THSD7A: variants seen among roughly 807,000 people sequenced by gnomAD.
The protein encoded by THSD7A is thrombospondin type 1 domain containing 7A.
Under a neutral mutation model 231.3 loss-of-function variants are expected in THSD7A, and 96 were observed. The observed-to-expected ratio is 0.41, with a 90% CI of 0.35 to 0.49. THSD7A has a LOEUF of 0.49. Among genes scored for constraint, THSD7A ranks in the 20% least tolerant of loss-of-function variants. The probability of loss-of-function intolerance (pLI) is 0.05; values close to 1 mark genes in which losing one functional copy is unlikely to be tolerated. For missense variants in THSD7A, 2,290 were observed against 2,070.2 expected (o/e 1.11, Z -2.06); for synonymous variants, 940 against 743.3 (o/e 1.26, Z -4.30).
intron 7 of THSD7A, among the ~76,000 whole-genome samples, chr7:11,476,626 G>A (rs1032871109): frequency 6.6e-6 from 1 of 151,932 alleles, no homozygotes; most frequent in Non-Finnish European, 1.5e-5. Flanking sequence ...GGACCACCCT[G>A]GGCAGCACGG....
At chr7:11,748,301 C>A (rs567728956) in intron 1 of THSD7A, among the ~76,000 whole-genome samples, 1 of 151,828 alleles carries the variant, frequency 6.6e-6, no homozygotes, top group Non-Finnish European at 1.5e-5. Context: ...GCTTGGGTAA[C>A]AGGAGAGTGA....
At chr7:11,685,792 T>C (rs1484637262) in intron 1 of THSD7A, among the ~76,000 whole-genome samples, 1 of 151,944 alleles carries the variant, frequency 6.6e-6, no homozygotes, top group African/African-American at 2.4e-5. Context: ...AATTAGCCCC[T>C]GTGCAAAGCA....
chr7:11,495,501 C>T (rs1034549249), intron 6 of THSD7A, among the ~76,000 whole-genome samples: 5 of 152,114 alleles, frequency 3.3e-5, no homozygotes, highest in African/African-American at 7.2e-5. Context: ...ACCTTTACCT[C>T]CCAATTCTGT....
intron 1 of THSD7A, among the ~76,000 whole-genome samples, chr7:11,828,410 A>G (rs1281186922): frequency 6.6e-6 from 1 of 152,092 alleles, no homozygotes; most frequent in Non-Finnish European, 1.5e-5. Flanking sequence ...CTCATCCTTC[A>G]AGACCCAGAT....
rs6958188 is a variant in THSD7A at position 11,411,049 on chromosome 7, G to A, written c.3798+158C>T. On this transcript the variant is annotated intron_variant, in intron 19 of 27. Coordinates refer to ENST00000423059, the MANE Select transcript of THSD7A (RefSeq NM_015204.3). This position sits in a 1 kb window ranked among gnomAD's most constrained non-coding sequence, Gnocchi z 4.1. ...TTATATGTAGGAATCAGTAGTGTTG[G>A]ACATTGTGTCTTTTCAAGAACATAC... is the stretch of plus-strand genomic sequence containing the variant. Among the ~76,000 whole-genome samples, 5,316 of 151,986 alleles carry A rather than the reference G, an allele frequency of 0.035. 323 individuals carry two copies. The highest frequency in any genetic ancestry group is 0.12 in the African/African-American group (5,021 of 41,392).
chr7:11,403,903 T>G (rs1783495286), intron 22 of THSD7A, among the ~76,000 whole-genome samples: 1 of 152,198 alleles, frequency 6.6e-6, no homozygotes. Context: ...ATGAGATGTA[T>G]TTCCTAATTT....
intron 1 of THSD7A, among the ~76,000 whole-genome samples, chr7:11,822,583 T>C (rs1303744407): frequency 6.6e-6 from 1 of 152,096 alleles, no homozygotes. Context: ...GATTGATGGA[T>C]TGAATGGCAG....
chr7:11,696,040 T>G (rs1780386543), intron 1 of THSD7A, among the ~76,000 whole-genome samples: 1 of 151,462 alleles, frequency 6.6e-6, no homozygotes, highest in Non-Finnish European at 1.5e-5. Flanking sequence ...TTAGGAAGAC[T>G]TCTAGATTTC....
intron 1 of THSD7A, among the ~76,000 whole-genome samples, chr7:11,698,324 AG>A (rs1485966689): frequency 6.6e-6 from 1 of 151,214 alleles, no homozygotes; most frequent in African/African-American, 2.4e-5. Flanking sequence ...TAAGCAGTGA[AG>A]TTTTTTTTTT....
Position 11,644,187 on chromosome 7 carries a change from T to C in THSD7A, c.191-7226A>G, listed in dbSNP as rs542664083. Among the ~76,000 whole-genome samples the C allele has an allele frequency of 2.0e-5, 3 of 152,180 alleles. No individual in the cohort carries two copies. The South Asian group carries it at 6.2e-4, about 32-fold the overall frequency. ...TCGAAACATCTTTTTGCTTATTTTA[T>C]ACTCGTTTGGTCATTTCAAAGGATT... On this transcript the variant is annotated intron_variant, in intron 1 of 27. Transcript: ENST00000423059.
At chr7:11,736,662 AT>A (rs1371496414) in intron 1 of THSD7A, among the ~76,000 whole-genome samples, 1 of 152,070 alleles carries the variant, frequency 6.6e-6, no homozygotes, top group East Asian at 1.9e-4. Context: ...GAAATGTAAA[AT>A]AAAGGGCTAA....
chr7:11,489,267 T>C (rs1786791098), intron 6 of THSD7A, among the ~76,000 whole-genome samples: 1 of 152,142 alleles, frequency 6.6e-6, no homozygotes, highest in Admixed American at 6.6e-5. Flanking sequence ...TTTATACATT[T>C]CTAATTGTTG....
chr7:11,540,161 T>G (rs1789084031), intron 6 of THSD7A, among the ~76,000 whole-genome samples: 1 of 152,174 alleles, frequency 6.6e-6, no homozygotes, highest in Admixed American at 6.5e-5. Context: ...CAGATTATGC[T>G]TATCGTAGCA....
intron 1 of THSD7A, among the ~76,000 whole-genome samples, chr7:11,680,427 G>A (rs944412511): frequency 2.0e-5 from 3 of 152,038 alleles, no homozygotes; most frequent in Non-Finnish European, 4.4e-5. Context: ...CTACAGAATG[G>A]GAGAAAATTT....
chr7:11,423,299 T>A (rs528818644), intron 16 of THSD7A, among the ~76,000 whole-genome samples: 197 of 152,096 alleles, frequency 1.3e-3, no homozygotes, highest in African/African-American at 4.5e-3. Context: ...AAAACACCAA[T>A]CTTAAATGCA....
At chr7:11,736,437 G>A (rs1221318117) in intron 1 of THSD7A, among the ~76,000 whole-genome samples, 1 of 150,778 alleles carries the variant, frequency 6.6e-6, no homozygotes, top group South Asian at 2.1e-4. Context: ...CTCCAGCCTG[G>A]GTGACACAGC....
In THSD7A at chr7:11,481,901, C is replaced by G; in HGVS notation, c.1904G>C (p.Cys635Ser). The change falls in exon 7 of 28, where the codon TGT (cysteine) becomes TCT (serine). Residue 635 changes from cysteine (C) to serine (S), a missense_variant. By Grantham distance (112) the Cys-to-Ser change is moderately radical (BLOSUM62 -1). Coordinates refer to ENST00000423059, the MANE Select transcript of THSD7A (RefSeq NM_015204.3). ...VACDAPCPKD[C>S]VLSTWSTWSS... ...CCACGTAGACCATGTGCTGAGCACACAGTCTTTCGGGCATGGGGCATCACA... is the reference window on the plus strand; with the variant it reads ...CCACGTAGACCATGTGCTGAGCACAGAGTCTTTCGGGCATGGGGCATCACA... 6.2e-7 allele frequency: 1 copy of G among 1,613,756 alleles called. No homozygotes were observed. Among genetic ancestry groups the G allele is most frequent in the Non-Finnish European group, 8.5e-7 (1 of 1,179,728 alleles).
intron 1 of THSD7A, among the ~76,000 whole-genome samples, chr7:11,734,342 A>C (rs549100058): frequency 6.6e-6 from 1 of 152,000 alleles, no homozygotes; most frequent in South Asian, 2.1e-4. Context: ...TATTACCTTA[A>C]AAATAAAGTG....
intron 1 of THSD7A, among the ~76,000 whole-genome samples, chr7:11,801,255 G>A (rs1403623836): frequency 6.6e-6 from 1 of 152,050 alleles, no homozygotes; most frequent in Admixed American, 6.6e-5. Context: ...TGTAATACTA[G>A]GTGTTTATAC....
Sources: gnomAD v4.1 joint callset for allele counts (sites outside exome capture counted in the v4.1 genomes callset) on GRCh38, gnomAD v4.1.1 for gene constraint, Gnocchi (gnomAD v3.1) non-coding constraint, MANE v1.5 for transcripts, NCBI Gene and HGNC (gene_info 2026-07-23, HGNC 2026-07-21) for gene names.